The following SUGCT variants were observed in gnomAD, a reference collection of about 807,000 sequenced individuals.
SUGCT encodes the protein succinyl-CoA:glutarate CoA-transferase.
SUGCT carries 41 observed loss-of-function variants against 55.0 expected under a neutral mutation model. The ratio of observed to expected loss-of-function variants is 0.74; its 90% CI spans 0.58 to 0.97. The LOEUF is 0.97. Among genes scored for constraint, SUGCT ranks in the 50% least tolerant of loss-of-function variants. The pLI, the probability that SUGCT is intolerant of heterozygous loss-of-function variation, is 0.00. For missense variants in SUGCT, 568 were observed against 547.8 expected, an observed-to-expected ratio of 1.04 and a Z score of -0.37; for synonymous variants, 187 against 200.4, an observed-to-expected ratio of 0.93 and a Z score of 0.56.
intron 12 of SUGCT, among the ~76,000 whole-genome samples, chr7:40,635,974 C>G (rs1197109633): frequency 1.1e-4 from 17 of 152,148 alleles, no homozygotes; most frequent in East Asian, 3.9e-4. Flanking sequence ...TTGGCTTGAT[C>G]TATTCTATGG....
chr7:40,306,144 T>A (rs1794843311), intron 8 of SUGCT, among the ~76,000 whole-genome samples: 1 of 152,200 alleles, frequency 6.6e-6, no homozygotes, highest in Non-Finnish European at 1.5e-5. Context: ...ATTTTGTCCT[T>A]GCTGCTTTGT....
intron 12 of SUGCT, among the ~76,000 whole-genome samples, chr7:40,548,627 C>T (rs1024880697): frequency 6.6e-6 from 1 of 152,100 alleles, no homozygotes; most frequent in African/African-American, 2.4e-5. Flanking sequence ...AGCATTCCCC[C>T]ACCCCCAGAG....
chr7:40,727,165 T>G (rs117292311), intron 12 of SUGCT, among the ~76,000 whole-genome samples: 2,072 of 152,328 alleles, frequency 0.014, 20 homozygotes, highest in Non-Finnish European at 0.022. Flanking sequence ...GATTTCCTTT[T>G]TTTGCCTTTC....
chr7:40,572,501 TG>T (rs1796506658), intron 12 of SUGCT, among the ~76,000 whole-genome samples: 1 of 151,986 alleles, frequency 6.6e-6, no homozygotes. Context: ...GGGGAGCACG[TG>T]CGGTGTGATA....
At chr7:40,526,616 G>T (rs930231777) in intron 12 of SUGCT, among the ~76,000 whole-genome samples, 2 of 152,100 alleles carry the variant, frequency 1.3e-5, no homozygotes, top group Admixed American at 6.5e-5. Context: ...CCAGTGGTTT[G>T]GGAGGGATTG....
intron 9 of SUGCT, among the ~76,000 whole-genome samples, chr7:40,331,591 G>A (rs958916373): frequency 1.2e-5 from 1 of 82,380 alleles, no homozygotes; most frequent in African/African-American, 4.4e-5. Context: ...CTCAGAGACC[G>A]CAGGCCTGCT....
chr7:40,997,825 C>G, the SUGCT span, among the ~76,000 whole-genome samples: 7 of 152,178 alleles, frequency 4.6e-5, no homozygotes, highest in Admixed American at 4.6e-4. Context: ...GAGTGATAAG[C>G]CTCACTTCTC....
intron 13 of SUGCT, among the ~76,000 whole-genome samples, chr7:40,783,345 T>G (rs1443977197): frequency 3.3e-5 from 5 of 152,196 alleles, no homozygotes; most frequent in Non-Finnish European, 5.9e-5. Flanking sequence ...CACAGGCAAA[T>G]TAGCTTTGAC....
At chr7:40,153,243 G>A in intron 1 of SUGCT, 1 of 399,940 alleles carries the variant, frequency 2.5e-6, no homozygotes, top group Non-Finnish European at 4.8e-6. Flanking sequence ...GCATCTTGCA[G>A]AGATGAGACT....
At chr7:40,467,970 T>C (rs187862721) in intron 11 of SUGCT, among the ~76,000 whole-genome samples, 65 of 151,198 alleles carry the variant, frequency 4.3e-4, no homozygotes, top group Admixed American at 9.2e-4. Context: ...CATTTTCTTT[T>C]TTTTTTTTTT....
chr7:40,302,805 C>G (rs1794616009), intron 8 of SUGCT, among the ~76,000 whole-genome samples: 1 of 152,106 alleles, frequency 6.6e-6, no homozygotes, highest in Non-Finnish European at 1.5e-5. Context: ...GAGGATGGGA[C>G]TCTTAGTGGC....
At chr7:40,989,029 T>C in the SUGCT span, among the ~76,000 whole-genome samples, 2 of 152,112 alleles carry the variant, frequency 1.3e-5, no homozygotes, top group African/African-American at 4.8e-5. Flanking sequence ...ATATTTACAC[T>C]ATACTGTAGT....
At chr7:40,812,428 A>G (rs1023279788) in intron 13 of SUGCT, among the ~76,000 whole-genome samples, 2 of 151,930 alleles carry the variant, frequency 1.3e-5, no homozygotes, top group Admixed American at 6.6e-5. Context: ...TGGGGTTTCA[A>G]CTTCTTCCTG....
chr7:40,639,382 G>A (rs1431017176), intron 12 of SUGCT, among the ~76,000 whole-genome samples: 1 of 152,108 alleles, frequency 6.6e-6, no homozygotes, highest in Admixed American at 6.5e-5. Flanking sequence ...ATGAACTTGA[G>A]TTTAAATTCC....
At chr7:40,405,122 T>TACCCCTCAAC (rs1447301406) in intron 9 of SUGCT, among the ~76,000 whole-genome samples, 1 of 152,206 alleles carries the variant, frequency 6.6e-6, no homozygotes, top group Non-Finnish European at 1.5e-5. Context: ...ACCTGGCAGA[T>TACCCCTCAAC]ACCCCTCAAC....
chr7:41,032,856 C>T, the SUGCT span, among the ~76,000 whole-genome samples: 5 of 152,170 alleles, frequency 3.3e-5, no homozygotes, highest in Non-Finnish European at 7.3e-5. Flanking sequence ...CTCTGCCTCC[C>T]GGGTTCAAGC....
chr7:40,522,396 G>C (rs1793581630), intron 12 of SUGCT, among the ~76,000 whole-genome samples: 1 of 152,034 alleles, frequency 6.6e-6, no homozygotes, highest in Admixed American at 6.6e-5. Flanking sequence ...TTTATCCCCA[G>C]CCATAGGGGT....
intron 10 of SUGCT, among the ~76,000 whole-genome samples, chr7:40,453,215 A>G (rs966101627): frequency 6.6e-6 from 1 of 152,196 alleles, no homozygotes; most frequent in East Asian, 1.9e-4. Context: ...AGCAGGAGCC[A>G]ACTCTGAGAA....
intron 7 of SUGCT, among the ~76,000 whole-genome samples, chr7:40,248,100 C>G (rs1790036417): frequency 6.6e-6 from 1 of 150,722 alleles, no homozygotes; most frequent in Non-Finnish European, 1.5e-5. Context: ...TAACCTCTGC[C>G]TCCTGGGTTC....
Sources: gnomAD v4.1 joint callset for allele counts (sites outside exome capture counted in the v4.1 genomes callset) on GRCh38, gnomAD v4.1.1 for gene constraint, MANE v1.5 for transcripts, NCBI Gene and HGNC (gene_info 2026-07-23, HGNC 2026-07-21) for gene names.